BCL6: variants seen among roughly 807,000 people sequenced by gnomAD.
BCL6 encodes the protein B-cell lymphoma 6 protein.
BCL6 carries 7 observed loss-of-function variants against 59.5 expected under a neutral mutation model. The observed-to-expected ratio is 0.12, with a 90% confidence interval of 0.07 to 0.22. The LOEUF (loss-of-function observed/expected upper bound fraction) is 0.22, where lower values mean the gene tolerates loss of function less well. BCL6 is among the 10% of genes least tolerant of loss of function. The pLI is 1.00. For synonymous variants in BCL6, 339 were observed against 349.7 expected (o/e 0.97, Z 0.34); for missense variants, 685 against 939.4 (o/e 0.73, Z 3.54).
At chr3:187,733,958 A>G (rs893535264) in intron 2 of BCL6, 9 of 488,664 alleles carry the variant, frequency 1.8e-5, no homozygotes, top group Admixed American at 3.3e-5. Context: ...ATATTTGTTG[A>G]GTGTTTTTCC....
chr3:187,726,753 G>T lies in BCL6; in HGVS notation c.1686C>A (p.Ala562=). The T allele has an allele frequency of 6.2e-7, 1 of 1,614,052 alleles. No individual in the cohort carries two copies. The highest frequency in any genetic ancestry group is 8.5e-7 in the Non-Finnish European group (1 of 1,179,974). ...TACCGGTATGGACGGTCTTGTGGCT[G>T]GCGAGGTTGCCCTTGTAGCGGAAGG... ...QASFRYKGNL[A]SHKTVHTGEK... Residue 562 remains alanine (A), a synonymous_variant, in exon 7 of 10, where the codon GCC becomes GCA. Coordinates refer to ENST00000406870, the MANE Select transcript of BCL6 (RefSeq NM_001706.5).
chr3:187,725,373 C>T lies in BCL6; in HGVS notation c.1839+126G>A. ...GACTTTCTCCTGCCCGCTCTGCTCACCTGCCCGCTCCGCTTGCCTGCCCGC... is the reference window on the plus strand; with the variant it reads ...GACTTTCTCCTGCCCGCTCTGCTCATCTGCCCGCTCCGCTTGCCTGCCCGC... On this transcript the variant is annotated intron_variant, in intron 8 of 9. Coordinates refer to ENST00000406870, the MANE Select transcript of BCL6 (RefSeq NM_001706.5). The surrounding 1 kb of genome is among the most constrained non-coding windows in gnomAD (Gnocchi z 4.7). 2.0e-6 allele frequency: 3 copies of T among 1,524,786 alleles called. No homozygotes were observed. Among genetic ancestry groups the T allele is most frequent in the Non-Finnish European group, 2.6e-6 (3 of 1,136,936 alleles). The allele number at this position is 1,524,786 out of a possible 1,614,324, so 94.5% of individuals were successfully genotyped here.
chr3:187,730,788 C>T (rs889553148), intron 4 of BCL6, among the ~76,000 whole-genome samples: 4 of 152,210 alleles, frequency 2.6e-5, no homozygotes, highest in African/African-American at 9.7e-5. Flanking sequence ...CCTGAAGGAA[C>T]ATCATGTGGG....
chr3:187,723,735 C>T (rs529616406), intron 9 of BCL6, among the ~76,000 whole-genome samples: 7 of 152,298 alleles, frequency 4.6e-5, no homozygotes, highest in East Asian at 1.9e-4. Context: ...TGCCATTCAC[C>T]GCTGTGTGTC....
intron 5 of BCL6, 107 bp downstream of exon 5, chr3:187,728,943 T>C (rs6786702): frequency 0.16 from 220,854 of 1,411,678 alleles, 19,728 homozygotes; most frequent in African/African-American, 0.38. Flanking sequence ...TAGGCACTGA[T>C]TCCACACCTC....
intron 9 of BCL6, 42 bp downstream of exon 9, chr3:187,724,899 C>T (rs1259575069): frequency 6.2e-7 from 1 of 1,612,402 alleles, no homozygotes; most frequent in Admixed American, 1.7e-5. Flanking sequence ...CTGCCCTCCA[C>T]ATCCCCGCAG....
At chr3:187,733,295 A>G (rs1275295191) in intron 3 of BCL6, among the ~76,000 whole-genome samples, 1 of 152,080 alleles carries the variant, frequency 6.6e-6, no homozygotes, top group African/African-American at 2.4e-5. Flanking sequence ...GGGGCAGTAT[A>G]TAATTTTTCT....
intron 1 of BCL6, chr3:187,737,384 A>AGAGAGAGAGG (rs1719338074): frequency 6.7e-6 from 1 of 149,426 alleles, no homozygotes; most frequent in African/African-American, 2.5e-5. Context: ...AGAGAGAGAG[A>AGAGAGAGAGG]GAGAGAGAGA....
chr3:187,726,873 C>A lies in BCL6; in HGVS notation c.1566G>T (p.Glu522Asp), dbSNP rs199997559. The A allele has an allele frequency of 3.7e-6, 6 of 1,614,162 alleles. No individual in the cohort carries two copies. Among genetic ancestry groups the A allele is most frequent in the Non-Finnish European group, 5.1e-6 (6 of 1,180,022 alleles). ...SCENGAFFCNECDCRFSEEAS... is the reference protein window; with the variant it reads ...SCENGAFFCNDCDCRFSEEAS... The stretch of plus-strand genomic sequence containing the variant: ...CCTCCTCAGAGAAGCGGCAGTCACA[C>A]TCATTGCAGAAGAAGGCCCCGTTCT... Residue 522 changes from glutamate to aspartate, a missense_variant, in exon 7 of 10, where the codon GAG becomes GAT. Glu to Asp is a conservative substitution (Grantham distance 45, BLOSUM62 2). Around this residue, in one of 7 missense-constraint regions of BCL6, gnomAD observed 207 missense variants for 213.7 expected, o/e 0.97. Coordinates refer to ENST00000406870, the MANE Select transcript of BCL6 (RefSeq NM_001706.5).
In BCL6 at chr3:187,727,111, G is replaced by A. The variant is rs533924287; in HGVS notation, c.1541-213C>T. 2.0e-5 allele frequency among the ~76,000 whole-genome samples: 3 copies of A among 152,350 alleles called. No individual in the cohort carries two copies. The East Asian group carries it at 5.8e-4, about 29-fold the overall frequency. On this transcript the variant is annotated intron_variant, in intron 6 of 9. Coordinates refer to ENST00000406870, the MANE Select transcript of BCL6 (RefSeq NM_001706.5). ...TCTTAGCCATAGAGAAGGGAGAAAG[G>A]AGATGGACTGAATTAAGGTACAGAA... is the stretch of plus-strand genomic sequence containing the variant.
chr3:187,722,348 A>T lies in BCL6; in HGVS notation c.*110T>A. ...CCAACCCCCAGCTATGATTTGCACTAGTGGATGAAAGAGGCACTACATCAT... is the reference window on the plus strand; with the variant it reads ...CCAACCCCCAGCTATGATTTGCACTTGTGGATGAAAGAGGCACTACATCAT... On this transcript the variant is annotated 3_prime_UTR_variant, in exon 10 of 10. Coordinates refer to ENST00000406870, the MANE Select transcript of BCL6 (RefSeq NM_001706.5). 1 of 958,002 alleles carries T rather than the reference A, an allele frequency of 1.0e-6. No homozygotes were observed. Among genetic ancestry groups the T allele is most frequent in the Non-Finnish European group, 1.3e-6 (1 of 741,014 alleles). 59.3% of individuals were successfully genotyped at this position (958,002 alleles called of 1,614,324 possible). A position where few individuals can be genotyped will look rare whatever the true frequency, so the allele number is the denominator to read the frequency against.
At chr3:187,732,633 T>C (rs1193551204) in intron 3 of BCL6, among the ~76,000 whole-genome samples, 1 of 135,816 alleles carries the variant, frequency 7.4e-6, no homozygotes, top group Non-Finnish European at 1.8e-5. Context: ...ACCAAGTAGC[T>C]ATGCAACTTT....
chr3:187,730,057 A>C lies in BCL6; in HGVS notation c.384-36T>G, dbSNP rs762255396. 6 of 1,523,230 alleles carry C rather than the reference A, an allele frequency of 3.9e-6. No homozygotes were observed. The African/African-American group carries it at 8.3e-5, about 21-fold the overall frequency. 94.4% of individuals were successfully genotyped at this position (1,523,230 alleles called of 1,614,324 possible). A position where few individuals can be genotyped will look rare whatever the true frequency, so the allele number is the denominator to read the frequency against. On this transcript the variant is annotated intron_variant, in intron 4 of 9. Coordinates refer to ENST00000406870, the MANE Select transcript of BCL6 (RefSeq NM_001706.5). ...AAAAAAGAGGAAAGACACCGGCCCC[A>C]AATCAGAACTGTTAAATAGATGACC...
intron 4 of BCL6, among the ~76,000 whole-genome samples, chr3:187,730,475 T>C (rs1041975989): frequency 6.6e-6 from 1 of 152,260 alleles, no homozygotes; most frequent in Non-Finnish European, 1.5e-5. Flanking sequence ...ACAATGTTGG[T>C]ATGACACTTT....
intron 1 of BCL6, among the ~76,000 whole-genome samples, chr3:187,745,020 T>A (rs571326909): frequency 2.0e-5 from 3 of 150,074 alleles, no homozygotes; most frequent in East Asian, 2.0e-4. Flanking sequence ...CGCCCCCTAA[T>A]TCCCCTCCTT....
rs150136825 is a variant in BCL6, at chr3:187,723,159, A to T, written c.1978-558T>A. Among the ~76,000 whole-genome samples the T allele has an allele frequency of 1.3e-3, 198 of 152,334 alleles. 1 individual carries two copies. The highest frequency in any genetic ancestry group is 4.6e-3 in the African/African-American group (191 of 41,570). On this transcript the variant is annotated intron_variant, in intron 9 of 9. Coordinates refer to ENST00000406870, the MANE Select transcript of BCL6 (RefSeq NM_001706.5). ...TGGACAAATGGACTAGATCAGTCTG[A>T]ATTCACGGAAATTCTGGAGTCTAGG...
intron 1 of BCL6, among the ~76,000 whole-genome samples, chr3:187,738,387 C>T (rs767514034): frequency 1.8e-4 from 28 of 152,172 alleles, no homozygotes; most frequent in Non-Finnish European, 3.4e-4. Context: ...AAGCCCCTTC[C>T]GCCTACGTTG....
At chr3:187,740,540 G>T (rs934584692) in intron 1 of BCL6, among the ~76,000 whole-genome samples, 6 of 152,294 alleles carry the variant, frequency 3.9e-5, no homozygotes, top group African/African-American at 1.4e-4. Context: ...TCTGGCAGCC[G>T]CTCCTTTCTC....
chr3:187,745,156 A>G (rs149246102), intron 1 of BCL6, among the ~76,000 whole-genome samples: 9 of 152,160 alleles, frequency 5.9e-5, no homozygotes, highest in Middle Eastern at 3.4e-3. Flanking sequence ...TCTATATCCT[A>G]TGGTGGGAGA....
Sources: allele counts gnomAD v4.1 joint callset (sites outside exome capture counted in the v4.1 genomes callset), GRCh38; gene constraint gnomAD v4.1.1; regional missense constraint gnomAD v4.1.1; non-coding constraint Gnocchi (gnomAD v3.1); transcripts MANE v1.5; gene names NCBI Gene and HGNC (gene_info 2026-07-23, HGNC 2026-07-21).